The following ST6GALNAC5 variants were observed in gnomAD, a reference collection of about 807,000 sequenced individuals.
The protein encoded by ST6GALNAC5 is ST6 N-acetylgalactosaminide alpha-2,6-sialyltransferase 5.
Under a neutral mutation model 33.6 loss-of-function variants are expected in ST6GALNAC5, and 27 were observed. The ratio of observed to expected loss-of-function variants is 0.80; its 90% CI spans 0.59 to 1.11. The LOEUF is 1.11. Among genes scored for constraint, ST6GALNAC5 ranks in the 50% least tolerant of loss-of-function variants. The pLI is 0.00. For missense variants in ST6GALNAC5, 428 were observed against 454.0 expected, an observed-to-expected ratio of 0.94 and a Z score of 0.52; for synonymous variants, 194 against 171.2, an observed-to-expected ratio of 1.13 and a Z score of -1.04.
chr1:76,888,737 A>T (rs896532859), intron 2 of ST6GALNAC5, among the ~76,000 whole-genome samples: 3 of 152,016 alleles, frequency 2.0e-5, no homozygotes, highest in Non-Finnish European at 4.4e-5. Context: ...CATTCTTAAA[A>T]TTTTAACATG....
At chr1:76,984,321 G>C (rs1041767986) in intron 2 of ST6GALNAC5, among the ~76,000 whole-genome samples, 9 of 152,150 alleles carry the variant, frequency 5.9e-5, no homozygotes, top group African/African-American at 2.2e-4. Flanking sequence ...AATAAAAAAT[G>C]ACAAAGTGGA....
chr1:76,921,082 T>C (rs1647030406), intron 2 of ST6GALNAC5, among the ~76,000 whole-genome samples: 1 of 152,142 alleles, frequency 6.6e-6, no homozygotes. Context: ...TGAGAGACTT[T>C]ATTTAGAGTA....
intron 2 of ST6GALNAC5, among the ~76,000 whole-genome samples, chr1:77,020,915 C>T (rs568449478): frequency 2.6e-4 from 39 of 152,228 alleles, no homozygotes; most frequent in Non-Finnish European, 4.1e-4. Context: ...CAGATGTCCT[C>T]TTGTTGTTAC....
chr1:76,934,785 C>G (rs1019342742), intron 2 of ST6GALNAC5, among the ~76,000 whole-genome samples: 62 of 151,798 alleles, frequency 4.1e-4, no homozygotes, highest in African/African-American at 1.5e-3. Flanking sequence ...CTGAAGCAAT[C>G]CTAGAGAAAA....
At chr1:76,987,923 T>TAAAG (rs886786746) in intron 2 of ST6GALNAC5, among the ~76,000 whole-genome samples, 81 of 152,268 alleles carry the variant, frequency 5.3e-4, no homozygotes, top group African/African-American at 1.9e-3. Context: ...AGATCTCTAG[T>TAAAG]AAAGCCAAGG....
rs190449532 is a variant in ST6GALNAC5 at position 76,960,861 on chromosome 1, G to A, written c.262-83343G>A. Among the ~76,000 whole-genome samples, 477 of 152,172 alleles carry A rather than the reference G, an allele frequency of 3.1e-3. 7 individuals are homozygous for A. Among genetic ancestry groups the A allele is most frequent in the Admixed American group, 0.028 (424 of 15,276 alleles). ...ATCCTGTTCTTTTTCAAGTTGCCCA[G>A]ATTTCATATTGTTCAAACACGCATG... On this transcript the variant is annotated intron_variant, in intron 2 of 4. Transcript: ENST00000477717.
intron 2 of ST6GALNAC5, among the ~76,000 whole-genome samples, chr1:76,924,387 T>C (rs566150568): frequency 6.6e-6 from 1 of 152,308 alleles, no homozygotes; most frequent in East Asian, 1.9e-4. Context: ...CCTCCACATT[T>C]ACTTTTATGT....
intron 3 of ST6GALNAC5, among the ~76,000 whole-genome samples, chr1:77,048,447 C>T (rs1216785984): frequency 1.3e-5 from 2 of 152,176 alleles, no homozygotes; most frequent in African/African-American, 2.4e-5. Flanking sequence ...CAGCTTCTAA[C>T]TTAAGGGAAG....
intron 2 of ST6GALNAC5, among the ~76,000 whole-genome samples, chr1:77,032,554 T>G (rs1651497933): frequency 6.6e-6 from 1 of 152,136 alleles, no homozygotes; most frequent in South Asian, 2.1e-4. Flanking sequence ...TCTTTATATC[T>G]GTAACAATTG....
At position 76,868,798 on chromosome 1, in the gene ST6GALNAC5, G is replaced by A; in HGVS notation, c.261+56G>A. 1.4e-6 allele frequency: 2 copies of A among 1,441,560 alleles called. No homozygotes were observed. Among genetic ancestry groups the A allele is most frequent in the South Asian group, 1.5e-5 (1 of 67,582 alleles). The allele number at this position is 1,441,560 out of a possible 1,614,324, so 89.3% of individuals were successfully genotyped here. A position where few individuals can be genotyped will look rare whatever the true frequency, so the allele number is the denominator to read the frequency against. On this transcript the variant is annotated intron_variant, in intron 2 of 4. Coordinates refer to ENST00000477717, the MANE Select transcript of ST6GALNAC5 (RefSeq NM_030965.3). The surrounding 1 kb of genome is among the most constrained non-coding windows in gnomAD (Gnocchi z 4.3). ...CTCAGCCTGGGGATCCCGCACACCT[G>A]AGCCTTCCCCCTTTCCCGGGGCTGG...
At chr1:76,941,687 G>C (rs1325316424) in intron 2 of ST6GALNAC5, among the ~76,000 whole-genome samples, 1 of 152,080 alleles carries the variant, frequency 6.6e-6, no homozygotes, top group African/African-American at 2.4e-5. Context: ...GGCAGAGACT[G>C]GAGTGAGGCA....
chr1:77,044,257 G>A lies in ST6GALNAC5; in HGVS notation c.315G>A (p.Leu105=). 1.2e-6 allele frequency: 2 copies of A among 1,613,876 alleles called. No homozygotes were observed. The highest frequency in any genetic ancestry group is 2.2e-5 in the South Asian group (2 of 91,076). ...DCALVTSSGH[L]LHSRQGSQID... The stretch of plus-strand genomic sequence containing the variant: ...CCCTGGTGACCAGCTCAGGGCATCT[G>A]CTGCACAGTCGGCAAGGCTCCCAGA... The change falls in exon 3 of 5, where the codon CTG becomes CTA. Residue 105 remains leucine, a synonymous_variant. Coordinates refer to ENST00000477717, the MANE Select transcript of ST6GALNAC5 (RefSeq NM_030965.3).
chr1:76,872,655 ATT>A (rs1330992363), intron 2 of ST6GALNAC5, among the ~76,000 whole-genome samples: 1 of 152,224 alleles, frequency 6.6e-6, no homozygotes, highest in East Asian at 1.9e-4. Flanking sequence ...TGGGATGAGT[ATT>A]CCCCTTTTAG....
chr1:76,987,270 A>T (rs777194819), intron 2 of ST6GALNAC5, among the ~76,000 whole-genome samples: 4 of 152,220 alleles, frequency 2.6e-5, no homozygotes, highest in Non-Finnish European at 5.9e-5. Flanking sequence ...CAATTTTAAA[A>T]TGAGCAAAGG....
Position 77,022,115 on chromosome 1 carries a change from G to T in ST6GALNAC5, c.262-22089G>T, listed in dbSNP as rs773362967. On this transcript the variant is annotated intron_variant, in intron 2 of 4. Transcript: ENST00000477717. ...TGAATCATTTCTCTCTTCTGCAGGA[G>T]AGTAGTGTTTTAATTATTCTAATGA... is the stretch of plus-strand genomic sequence containing the variant. Among the ~76,000 whole-genome samples, 60 of 152,152 alleles carry T rather than the reference G, an allele frequency of 3.9e-4. 1 individual carries two copies. Among genetic ancestry groups the T allele is most frequent in the Non-Finnish European group, 7.4e-4 (50 of 68,024 alleles).
chr1:76,985,583 G>A (rs1649460602), intron 2 of ST6GALNAC5, among the ~76,000 whole-genome samples: 1 of 152,240 alleles, frequency 6.6e-6, no homozygotes, highest in African/African-American at 2.4e-5. Context: ...TGGCCACACT[G>A]CCCAGGGTAA....
intron 2 of ST6GALNAC5, among the ~76,000 whole-genome samples, chr1:76,904,265 G>A (rs907741434): frequency 6.6e-6 from 1 of 152,118 alleles, no homozygotes; most frequent in African/African-American, 2.4e-5. Flanking sequence ...CTTTGCAAAG[G>A]AAGGTTATAT....
In ST6GALNAC5 at chr1:76,899,583, G is replaced by A. The variant is rs1338408361; in HGVS notation, c.261+30841G>A. Among the ~76,000 whole-genome samples the A allele has an allele frequency of 2.6e-5, 4 of 152,278 alleles. No individual in the cohort carries two copies. In the East Asian group the frequency reaches 7.7e-4, roughly 29 times the overall value. On this transcript the variant is annotated intron_variant, in intron 2 of 4. Transcript: ENST00000477717. ...CGTGGTCTGACACCACTGAAACCTG[G>A]GTGAATAATCAGAGAGGCATCCTTG...
intron 2 of ST6GALNAC5, among the ~76,000 whole-genome samples, chr1:76,966,844 A>T (rs994041259): frequency 3.3e-5 from 5 of 152,186 alleles, no homozygotes; most frequent in African/African-American, 1.2e-4. Context: ...TTCTGCATCT[A>T]TTGAGACAAT....
Sources: allele counts gnomAD v4.1 joint callset (sites outside exome capture counted in the v4.1 genomes callset), GRCh38; gene constraint gnomAD v4.1.1; non-coding constraint Gnocchi (gnomAD v3.1); transcripts MANE v1.5; gene names NCBI Gene and HGNC (gene_info 2026-07-23, HGNC 2026-07-21).